Variants in RAP1B observed in about 807,000 individuals in gnomAD.
RAP1B encodes RAP1B, member of RAS oncogene family.
Under a neutral mutation model 27.5 loss-of-function variants are expected in RAP1B, and 1 was observed. The ratio of observed to expected loss-of-function variants is 0.04; its 90% CI spans 0.01 to 0.17. The LOEUF is 0.17. Among genes scored for constraint, RAP1B ranks in the 10% least tolerant of loss-of-function variants. The pLI, the probability that RAP1B is intolerant of heterozygous loss-of-function variation, is 1.00. For missense variants in RAP1B, 84 were observed against 214.8 expected, an observed-to-expected ratio of 0.39 and a Z score of 3.81; for synonymous variants, 75 against 73.1, an observed-to-expected ratio of 1.03 and a Z score of -0.13.
intron 4 of RAP1B, among the ~76,000 whole-genome samples, chr12:68,653,021 G>C (rs1481540323): frequency 6.6e-6 from 1 of 151,986 alleles, no homozygotes; most frequent in African/African-American, 2.4e-5. Flanking sequence ...GACCAGCCTG[G>C]CTAACATGGT....
In RAP1B at chr12:68,635,982, G is replaced by A. The variant is rs192598692; in HGVS notation, c.-26-12717G>A. 3.4e-3 allele frequency among the ~76,000 whole-genome samples: 515 copies of A among 151,402 alleles called. 4 individuals are homozygous for A. The highest frequency in any genetic ancestry group is 0.011 in the African/African-American group (473 of 41,266). On this transcript the variant is annotated intron_variant, in intron 1 of 7. Transcript: ENST00000250559. ...CAAATTCCGCCTCCTGGATTCAAGC[G>A]ATTCTCCTGCCTCAGCTTCCTGAGT...
At chr12:68,629,640 C>T (rs550114549) in intron 1 of RAP1B, among the ~76,000 whole-genome samples, 14 of 152,220 alleles carry the variant, frequency 9.2e-5, no homozygotes, top group South Asian at 2.1e-4. Flanking sequence ...GGGGGCTTAC[C>T]TTCTTGCTGT....
At chr12:68,631,046 C>T (rs1565662324) in intron 1 of RAP1B, among the ~76,000 whole-genome samples, 2 of 152,170 alleles carry the variant, frequency 1.3e-5, no homozygotes, top group Non-Finnish European at 2.9e-5. Context: ...GGCAAATACC[C>T]TAAGTGCTAT....
At chr12:68,654,361 G>A (rs1874045835) in intron 5 of RAP1B, 109 bp downstream of exon 5, 1 of 413,644 alleles carries the variant, frequency 2.4e-6, no homozygotes, top group South Asian at 4.8e-5. Flanking sequence ...TGGGGGGGGG[G>A]TGTTGGTTTT....
At chr12:68,657,467 C>T in intron 7 of RAP1B, 4 of 236,880 alleles carry the variant, frequency 1.7e-5, no homozygotes, top group Non-Finnish European at 3.3e-5. Flanking sequence ...TGCAGTGGCG[C>T]AATATCAGCT....
chr12:68,649,696 A>G (rs910385785), intron 2 of RAP1B: 2 of 152,210 alleles, frequency 1.3e-5, no homozygotes, highest in African/African-American at 4.8e-5. Flanking sequence ...AGTACATACA[A>G]TGTGAAATGA....
chr12:68,627,706 T>C (rs1292552719), intron 1 of RAP1B, among the ~76,000 whole-genome samples: 2 of 152,164 alleles, frequency 1.3e-5, no homozygotes, highest in Non-Finnish European at 2.9e-5. Context: ...TTTTATCATA[T>C]AGATAGATGT....
intron 3 of RAP1B, 122 bp downstream of exon 3, chr12:68,650,590 G>A: frequency 1.1e-6 from 1 of 946,046 alleles, no homozygotes; most frequent in Non-Finnish European, 1.4e-6. Flanking sequence ...AAATTAGTGG[G>A]AAAAGTTTAC....
At chr12:68,612,790 G>C (rs1471687977) in intron 1 of RAP1B, among the ~76,000 whole-genome samples, 1 of 152,018 alleles carries the variant, frequency 6.6e-6, no homozygotes, top group Non-Finnish European at 1.5e-5. Flanking sequence ...CTTTTAATGT[G>C]TACTACGTTA....
chr12:68,644,555 G>T (rs1396941915), intron 1 of RAP1B, among the ~76,000 whole-genome samples: 1 of 151,196 alleles, frequency 6.6e-6, no homozygotes, highest in East Asian at 2.0e-4. Flanking sequence ...CTGCACTCCA[G>T]CCTGGGTGAC....
At chr12:68,622,078 C>T (rs1000135546) in intron 1 of RAP1B, among the ~76,000 whole-genome samples, 3 of 152,112 alleles carry the variant, frequency 2.0e-5, no homozygotes, top group Non-Finnish European at 2.9e-5. Context: ...TAACATTGAC[C>T]TAGGTGACAG....
In RAP1B at chr12:68,614,059, C is replaced by G. The variant is rs1013373658; in HGVS notation, c.-27+3016C>G. Among the ~76,000 whole-genome samples the G allele has an allele frequency of 2.0e-5, 3 of 152,294 alleles. 1 individual carries two copies. In the South Asian group the frequency reaches 6.2e-4, roughly 32 times the overall value. Reference sequence around the variant, plus strand: ...TTCAATTGTATCTTCCTATCTAATTCAAGATTGGTGGAAGGTCTATGCAAA... The same window carrying G: ...TTCAATTGTATCTTCCTATCTAATTGAAGATTGGTGGAAGGTCTATGCAAA... On this transcript the variant is annotated intron_variant, in intron 1 of 7. Coordinates refer to ENST00000250559, the MANE Select transcript of RAP1B (RefSeq NM_001010942.3).
At chr12:68,634,016 T>G (rs944926133) in intron 1 of RAP1B, among the ~76,000 whole-genome samples, 8 of 152,178 alleles carry the variant, frequency 5.3e-5, no homozygotes, top group Non-Finnish European at 8.8e-5. Context: ...GTAGAGAGAA[T>G]GGAATTGATT....
chr12:68,642,709 A>ATCT (rs879172730), intron 1 of RAP1B: 3 of 1,135,056 alleles, frequency 2.6e-6, no homozygotes, highest in Non-Finnish European at 4.0e-6. Flanking sequence ...AAGATTTCAC[A>ATCT]TCTTTTTCTT....
intron 1 of RAP1B, among the ~76,000 whole-genome samples, chr12:68,637,396 A>G (rs1410157589): frequency 6.6e-6 from 1 of 151,970 alleles, no homozygotes. Context: ...TCAGGAGTTT[A>G]GGATAAGCCT....
chr12:68,622,456 C>G (rs1374261101), intron 1 of RAP1B, among the ~76,000 whole-genome samples: 1 of 152,212 alleles, frequency 6.6e-6, no homozygotes, highest in Non-Finnish European at 1.5e-5. Flanking sequence ...TTGCTTACTT[C>G]ACAACTTTAT....
chr12:68,633,854 A>G (rs1237549092), intron 1 of RAP1B, among the ~76,000 whole-genome samples: 1 of 152,222 alleles, frequency 6.6e-6, no homozygotes, highest in Non-Finnish European at 1.5e-5. Context: ...TGGGCAATAC[A>G]GTAAGACTCT....
intron 1 of RAP1B, among the ~76,000 whole-genome samples, chr12:68,639,241 A>G (rs928066478): frequency 6.6e-6 from 1 of 152,202 alleles, no homozygotes; most frequent in African/African-American, 2.4e-5. Context: ...AACTGCTTCA[A>G]GCGTTTACAT....
chr12:68,648,887 A>G, intron 2 of RAP1B, 106 bp downstream of exon 2: 1 of 990,674 alleles, frequency 1.0e-6, no homozygotes. Context: ...TTCCTTAATG[A>G]CTTTAGAAGC....
Sources: gnomAD v4.1 joint callset for allele counts (sites outside exome capture counted in the v4.1 genomes callset) on GRCh38, gnomAD v4.1.1 for gene constraint, MANE v1.5 for transcripts, NCBI Gene and HGNC (gene_info 2026-07-23, HGNC 2026-07-21) for gene names.